P4HA3: variants seen among roughly 807,000 people sequenced by gnomAD.
The protein encoded by P4HA3 is prolyl 4-hydroxylase subunit alpha-3.
A neutral mutation model predicts 66.7 loss-of-function variants in P4HA3; 60 were observed. The observed-to-expected ratio is 0.90, with a 90% CI of 0.73 to 1.12. The LOEUF (loss-of-function observed/expected upper bound fraction) is 1.12, where lower values mean the gene tolerates loss of function less well. Ranked by LOEUF, P4HA3 falls within the 50% of genes most tolerant of loss-of-function variation. The probability of loss-of-function intolerance (pLI) is 0.00; values close to 1 mark genes in which losing one functional copy is unlikely to be tolerated. For synonymous variants in P4HA3, 263 were observed against 274.6 expected, an observed-to-expected ratio of 0.96 and a Z score of 0.42; for missense variants, 683 against 685.8, an observed-to-expected ratio of 1.00 and a Z score of 0.05.
intron 5 of P4HA3, among the ~76,000 whole-genome samples, chr11:74,287,644 A>C (rs1860845163): frequency 6.6e-6 from 1 of 152,234 alleles, no homozygotes; most frequent in Non-Finnish European, 1.5e-5. Context: ...GGATTCATTA[A>C]AAAGTTTTGT....
chr11:74,306,645 T>C (rs1050681355), intron 1 of P4HA3, among the ~76,000 whole-genome samples: 1 of 152,082 alleles, frequency 6.6e-6, no homozygotes, highest in Non-Finnish European at 1.5e-5. Flanking sequence ...ATAGAGGAAG[T>C]GGCAAGGTGG....
intron 9 of P4HA3, among the ~76,000 whole-genome samples, chr11:74,276,481 G>A (rs1366168809): frequency 6.6e-6 from 1 of 152,066 alleles, no homozygotes; most frequent in Non-Finnish European, 1.5e-5. Flanking sequence ...TAGCCCAGGA[G>A]TTCAAGACTG....
rs2135701169 is a variant in P4HA3 at position 74,267,226 on chromosome 11, C to G, written c.*22G>C. On this transcript the variant is annotated 3_prime_UTR_variant, in exon 13 of 13. Transcript: ENST00000331597. ...TTCTCTGGAAAGCCACAGGACTCCACCAGCTTCTCTCTGCCAACAGTTCAG... is the reference window on the plus strand; with the variant it reads ...TTCTCTGGAAAGCCACAGGACTCCAGCAGCTTCTCTCTGCCAACAGTTCAG... 1 of 1,614,110 alleles carries G rather than the reference C, an allele frequency of 6.2e-7. No homozygotes were observed. Among genetic ancestry groups the G allele is most frequent in the South Asian group, 1.1e-5 (1 of 91,072 alleles).
chr11:74,293,623 C>CTCT (rs1239364330), intron 4 of P4HA3, among the ~76,000 whole-genome samples: 2 of 152,172 alleles, frequency 1.3e-5, no homozygotes, highest in Non-Finnish European at 2.9e-5. Flanking sequence ...CCTTCAGGAG[C>CTCT]TCTTGTAGGG....
At chr11:74,252,323 A>G (rs1421890224) in intron 15 of P4HA3, 2 of 393,264 alleles carry the variant, frequency 5.1e-6, no homozygotes, top group Non-Finnish European at 1.0e-5. Context: ...CCTGGCCTCA[A>G]GTGATCCACC....
intron 4 of P4HA3, among the ~76,000 whole-genome samples, chr11:74,290,671 A>G (rs1022873768): frequency 1.3e-5 from 2 of 152,190 alleles, no homozygotes; most frequent in African/African-American, 2.4e-5. Flanking sequence ...ATGGCTAGCC[A>G]GTTTTCCCAG....
chr11:74,267,045 C>T lies in P4HA3; in HGVS notation c.*203G>A. On this transcript the variant is annotated 3_prime_UTR_variant, in exon 13 of 13. Transcript: ENST00000331597. The stretch of plus-strand genomic sequence containing the variant: ...TGTACTGTGCATCCTACTCTGACTT[C>T]CGTGGCTGGGGCAGATCAAATGTAC... 6.5e-7 allele frequency: 1 copy of T among 1,535,686 alleles called. No homozygotes were observed. The highest frequency in any genetic ancestry group is 8.7e-7 in the Non-Finnish European group (1 of 1,146,258).
At chr11:74,306,311 A>G (rs1334348986) in intron 1 of P4HA3, among the ~76,000 whole-genome samples, 1 of 152,210 alleles carries the variant, frequency 6.6e-6, no homozygotes, top group Non-Finnish European at 1.5e-5. Context: ...AGTGTCCTTC[A>G]ACAGTGTTTA....
chr11:74,290,038 G>A (rs1353935822), intron 4 of P4HA3, among the ~76,000 whole-genome samples: 1 of 152,068 alleles, frequency 6.6e-6, no homozygotes, highest in African/African-American at 2.4e-5. Flanking sequence ...CACAATGGTT[G>A]AACTAGTTTA....
chr11:74,306,313 C>G (rs1455017780), intron 1 of P4HA3, among the ~76,000 whole-genome samples: 1 of 152,154 alleles, frequency 6.6e-6, no homozygotes. Context: ...TGTCCTTCAA[C>G]AGTGTTTATA....
intron 1 of P4HA3, 135 bp from the exon 2 acceptor site, chr11:74,304,547 C>G: frequency 9.5e-7 from 1 of 1,052,830 alleles, no homozygotes; most frequent in Non-Finnish European, 1.4e-6. Context: ...AATAGTCCAA[C>G]CAAAAAGCCA....
intron 14 of P4HA3, among the ~76,000 whole-genome samples, chr11:74,261,654 T>C (rs1447977372): frequency 1.3e-5 from 2 of 151,876 alleles, no homozygotes; most frequent in Non-Finnish European, 2.9e-5. Context: ...ATTTCACTAG[T>C]ATAGTCACTG....
intron 4 of P4HA3, among the ~76,000 whole-genome samples, chr11:74,291,455 T>G (rs1182663819): frequency 1.3e-5 from 2 of 152,226 alleles, no homozygotes; most frequent in Admixed American, 1.3e-4. Context: ...CCTGCCTGAT[T>G]GCCCTGGCCA....
At chr11:74,268,062 C>A in intron 12 of P4HA3, 83 bp downstream of exon 12, 1 of 1,171,822 alleles carries the variant, frequency 8.5e-7, no homozygotes, top group Non-Finnish European at 1.3e-6. Context: ...AATGGGATGG[C>A]TGTGGTAGGT....
chr11:74,304,204 C>A, intron 2 of P4HA3, 66 bp downstream of exon 2: 2 of 1,566,486 alleles, frequency 1.3e-6, no homozygotes, highest in Non-Finnish European at 1.7e-6. Flanking sequence ...AACAGAATCT[C>A]TCTCCTTACC....
chr11:74,285,070 G>A (rs1860741746), intron 7 of P4HA3, among the ~76,000 whole-genome samples: 1 of 151,870 alleles, frequency 6.6e-6, no homozygotes, highest in African/African-American at 2.4e-5. Flanking sequence ...ATTCATAAAT[G>A]AGGCACAGAG....
intron 10 of P4HA3, among the ~76,000 whole-genome samples, chr11:74,270,169 C>A (rs1252453287): frequency 6.6e-6 from 1 of 152,138 alleles, no homozygotes; most frequent in East Asian, 1.9e-4. Context: ...TTATTTTATT[C>A]TATTCTAGTG....
At chr11:74,269,183 TCTC>T (rs148210156) in intron 11 of P4HA3, among the ~76,000 whole-genome samples, 25,474 of 152,008 alleles carry the variant, frequency 0.17, 2,361 homozygotes, top group East Asian at 0.3. Context: ...TAGACTCAGT[TCTC>T]CTCAGCGCCT....
At chr11:74,281,656 T>C (rs1299075619) in intron 7 of P4HA3, among the ~76,000 whole-genome samples, 7 of 152,040 alleles carry the variant, frequency 4.6e-5, no homozygotes, top group African/African-American at 7.2e-5. Flanking sequence ...TTCTCACTCA[T>C]AGGTGGGAAT....
Sources: allele counts gnomAD v4.1 joint callset (sites outside exome capture counted in the v4.1 genomes callset), GRCh38; gene constraint gnomAD v4.1.1; transcripts MANE v1.5; gene names NCBI Gene and HGNC (gene_info 2026-07-23, HGNC 2026-07-21).